Variants in ATP2B2 observed in about 807,000 individuals in gnomAD.
ATP2B2 encodes the protein ATPase plasma membrane Ca2+ transporting 2.
In ATP2B2, 15 loss-of-function variants were observed where a neutral mutation model predicts 120.0. The ratio of observed to expected loss-of-function variants is 0.12; its 90% CI spans 0.08 to 0.19. The LOEUF is 0.19. Ranked by LOEUF, ATP2B2 falls within the 10% of genes least tolerant of loss-of-function variation. ATP2B2 has a pLI of 1.00. For missense variants in ATP2B2, 1,045 were observed against 1,719.8 expected (o/e 0.61, Z 6.94); for synonymous variants, 694 against 700.3 (o/e 0.99, Z 0.14).
intron 1 of ATP2B2, among the ~76,000 whole-genome samples, chr3:10,480,005 G>A (rs1559389390): frequency 6.6e-6 from 1 of 152,122 alleles, no homozygotes; most frequent in Admixed American, 6.5e-5. Flanking sequence ...TGAGATGGGA[G>A]GATTGCTTGA....
chr3:10,579,109 C>A (rs548523573), intron 2 of ATP2B2, among the ~76,000 whole-genome samples: 10 of 152,188 alleles, frequency 6.6e-5, no homozygotes, highest in Non-Finnish European at 1.5e-4. Flanking sequence ...TGGGGAGGAC[C>A]AGGCCTACCT....
chr3:10,603,295 G>A lies in ATP2B2; in HGVS notation c.-415+16622C>T, dbSNP rs559116305. Among the ~76,000 whole-genome samples the A allele has an allele frequency of 4.6e-5, 7 of 152,330 alleles. No individual in the cohort carries two copies. The South Asian group carries it at 1.5e-3, about 32-fold the overall frequency. ...ACGGTGCCCGGTGTGTTTGGCAGAT[G>A]CTCGATACACGTCAGTTCTCTAATA... is the stretch of plus-strand genomic sequence containing the variant. On this transcript the variant is annotated intron_variant, in intron 2 of 21. Coordinates refer to the ATP2B2 transcript ENST00000646379.
At chr3:10,441,828 T>A (rs1392591427) in intron 2 of ATP2B2, among the ~76,000 whole-genome samples, 1 of 152,162 alleles carries the variant, frequency 6.6e-6, no homozygotes, top group Non-Finnish European at 1.5e-5. Flanking sequence ...TTCCATCAGT[T>A]CTAGGAGGTG....
intron 2 of ATP2B2, among the ~76,000 whole-genome samples, chr3:10,535,435 A>T (rs868420730): frequency 2.6e-5 from 4 of 151,244 alleles, no homozygotes; most frequent in African/African-American, 9.8e-5. Context: ...ATGAAATGTT[A>T]TCTGTAGTTT....
intron 2 of ATP2B2, among the ~76,000 whole-genome samples, chr3:10,599,000 C>A (rs1005266883): frequency 1.3e-5 from 2 of 152,260 alleles, no homozygotes; most frequent in African/African-American, 4.8e-5. Flanking sequence ...GTTACTGCCC[C>A]GGCCCTCTGC....
At chr3:10,594,736 A>ATAATAC (rs1310727612) in intron 2 of ATP2B2, among the ~76,000 whole-genome samples, 4 of 120,356 alleles carry the variant, frequency 3.3e-5, no homozygotes, top group African/African-American at 1.2e-4. Flanking sequence ...AATAATAATA[A>ATAATAC]TAATAAAAGA....
At chr3:10,480,485 C>T (rs2065368552) in intron 1 of ATP2B2, among the ~76,000 whole-genome samples, 1 of 152,278 alleles carries the variant, frequency 6.6e-6, no homozygotes, top group East Asian at 1.9e-4. Flanking sequence ...ACAGGGAGAC[C>T]TGAGTGTCTC....
intron 2 of ATP2B2, among the ~76,000 whole-genome samples, chr3:10,446,119 A>G (rs2063828751): frequency 6.6e-6 from 1 of 152,138 alleles, no homozygotes; most frequent in African/African-American, 2.4e-5. Flanking sequence ...ATCCCCCTCC[A>G]TAAAATGGGG....
chr3:10,336,312 G>T, intron 22 of ATP2B2: 1 of 1,549,868 alleles, frequency 6.5e-7, no homozygotes, highest in East Asian at 2.4e-5. Context: ...TGCAACGGAG[G>T]AGAGAACGAG....
chr3:10,626,511 G>A (rs1485238870), intron 1 of ATP2B2: 2 of 152,208 alleles, frequency 1.3e-5, no homozygotes, highest in African/African-American at 4.8e-5. Flanking sequence ...ATGGATGAAT[G>A]GATGGCTAGA....
chr3:10,417,055 T>TATGAGAGGGAAGGACTTTCTAA, intron 2 of ATP2B2, among the ~76,000 whole-genome samples: 1 of 123,608 alleles, frequency 8.1e-6, no homozygotes, highest in African/African-American at 4.0e-5. Flanking sequence ...TGCTCCTCAC[T>TATGAGAGGGAAGGACTTTCTAA]TCCCAGACGG....
chr3:10,334,718 C>A (rs1051904687), intron 22 of ATP2B2, among the ~76,000 whole-genome samples: 1 of 152,206 alleles, frequency 6.6e-6, no homozygotes, highest in Non-Finnish European at 1.5e-5. Context: ...GGGTCGTGGA[C>A]ATTTGCCATC....
chr3:10,418,338 G>A (rs1459735035), intron 2 of ATP2B2, among the ~76,000 whole-genome samples: 1 of 152,226 alleles, frequency 6.6e-6, no homozygotes, highest in East Asian at 1.9e-4. Context: ...ATTGAGGTAG[G>A]TAAAGGAGCA....
rs542903625 is a variant in ATP2B2 at position 10,605,685 on chromosome 3, G to T, written c.-415+14232C>A. 9.3e-4 allele frequency among the ~76,000 whole-genome samples: 138 copies of T among 148,898 alleles called. 1 individual carries two copies. The highest frequency in any genetic ancestry group is 3.4e-3 in the African/African-American group (136 of 40,200). Reference sequence around the variant, plus strand: ...TTTTTTTGAGACAGAGTCTCACTCTGCCACCCAGGTGGGAGTGCAGTGGTG... The same window carrying T: ...TTTTTTTGAGACAGAGTCTCACTCTTCCACCCAGGTGGGAGTGCAGTGGTG... On this transcript the variant is annotated intron_variant, in intron 2 of 21. Coordinates refer to the ATP2B2 transcript ENST00000646379.
intron 2 of ATP2B2, among the ~76,000 whole-genome samples, chr3:10,578,495 C>T (rs2068306292): frequency 1.3e-5 from 2 of 150,806 alleles, no homozygotes; most frequent in South Asian, 2.1e-4. Flanking sequence ...TGCAGTTAGC[C>T]GAGATCTCGC....
At chr3:10,633,454 T>A (rs2069929217) in intron 1 of ATP2B2, among the ~76,000 whole-genome samples, 1 of 152,206 alleles carries the variant, frequency 6.6e-6, no homozygotes, top group Non-Finnish European at 1.5e-5. Flanking sequence ...TTCATTTTTT[T>A]TAAGTTAACA....
chr3:10,686,737 T>C (rs1480551769), intron 1 of ATP2B2, among the ~76,000 whole-genome samples: 2 of 152,060 alleles, frequency 1.3e-5, no homozygotes, highest in African/African-American at 4.8e-5. Flanking sequence ...CACTAAATCC[T>C]CAGAATCACC....
chr3:10,388,950 C>T (rs2061764584), intron 5 of ATP2B2, among the ~76,000 whole-genome samples: 1 of 152,082 alleles, frequency 6.6e-6, no homozygotes, highest in South Asian at 2.1e-4. Flanking sequence ...CTACTTTATG[C>T]CAATATAATT....
chr3:10,558,753 CAAGA>C lies in ATP2B2; in HGVS notation c.-414-24624_-414-24621del, dbSNP rs1340539956. ...TCTACAGCTCATAGCCTTTTTGGAA[CAAGA>C]AAGAAAGAACGGAACTCAGAAGCAA... On this transcript the variant is annotated intron_variant, in intron 2 of 21. Coordinates refer to the ATP2B2 transcript ENST00000646379. 9.3e-5 allele frequency among the ~76,000 whole-genome samples: 14 copies of C among 149,888 alleles called. No individual in the cohort carries two copies. The East Asian group carries it at 2.2e-3, about 23-fold the overall frequency.
Sources: gnomAD v4.1 joint callset for allele counts (sites outside exome capture counted in the v4.1 genomes callset) on GRCh38, gnomAD v4.1.1 for gene constraint, MANE v1.5 for transcripts, NCBI Gene and HGNC (gene_info 2026-07-23, HGNC 2026-07-21) for gene names.